Variants in EPHX1 observed in about 807,000 individuals in gnomAD.
EPHX1 encodes the protein epoxide hydrolase 1.
A neutral mutation model predicts 43.2 loss-of-function variants in EPHX1; 40 were observed. The ratio of observed to expected loss-of-function variants is 0.93; its 90% CI spans 0.72 to 1.21. The LOEUF (loss-of-function observed/expected upper bound fraction) is 1.21, where lower values mean the gene tolerates loss of function less well. Among genes scored for constraint, EPHX1 ranks in the 50% most tolerant of loss-of-function variants. The pLI, the probability that EPHX1 is intolerant of heterozygous loss-of-function variation, is 0.00. For missense variants in EPHX1, 550 were observed against 570.4 expected (o/e 0.96, Z 0.36); for synonymous variants, 221 against 226.7 (o/e 0.98, Z 0.22).
chr1:225,843,454 C>CA (rs912296375), intron 7 of EPHX1, among the ~76,000 whole-genome samples: 11 of 152,230 alleles, frequency 7.2e-5, no homozygotes, highest in African/African-American at 2.7e-4. Flanking sequence ...CCAAGAGCCT[C>CA]AGCAGGGCCT....
Position 225,840,050 on chromosome 1 carries a change from A to G in EPHX1, c.931+13A>G. Reference sequence around the variant, plus strand: ...CCTGACACCGTAGGTGAGTGTGCTCAGGGGTCCTCGCCCACTGCCGGCTCC... The same window carrying G: ...CCTGACACCGTAGGTGAGTGTGCTCGGGGGTCCTCGCCCACTGCCGGCTCC... On this transcript the variant is annotated intron_variant, in intron 6 of 8. Transcript: ENST00000272167. 6.2e-7 allele frequency: 1 copy of G among 1,613,412 alleles called. No individual in the cohort carries two copies. The highest frequency in any genetic ancestry group is 1.1e-5 in the South Asian group (1 of 91,040).
chr1:225,819,817 A>C (rs1198992983), intron 1 of EPHX1, among the ~76,000 whole-genome samples: 1 of 152,164 alleles, frequency 6.6e-6, no homozygotes, highest in Non-Finnish European at 1.5e-5. Flanking sequence ...CTTTGTCCGC[A>C]CTTAATCACT....
intron 1 of EPHX1, among the ~76,000 whole-genome samples, chr1:225,819,351 G>A (rs953927680): frequency 9.2e-5 from 14 of 151,850 alleles, no homozygotes; most frequent in African/African-American, 3.4e-4. Context: ...GCAGTGAGCC[G>A]AGATCGTGCC....
rs1559024809 is a variant in EPHX1 at position 225,839,362 on chromosome 1, G to GGAT, written c.722+17_722+18insATG. 181 of 1,584,984 alleles carry GGAT rather than the reference G, an allele frequency of 1.1e-4. 1 individual carries two copies. The African/African-American group carries it at 2.0e-3, about 18-fold the overall frequency. ...TGGTGCCCAGGTGAGGTCACTGTTG[G>GGAT]GGTGGTGTGTGTGTGTGTGTGTGTG... On this transcript the variant is annotated intron_variant, in intron 5 of 8. Coordinates refer to ENST00000272167, the MANE Select transcript of EPHX1 (RefSeq NM_001136018.4).
Position 225,845,211 on chromosome 1 carries a change from A to T in EPHX1, c.1232A>T (p.Lys411Met). The change falls in exon 9 of 9, where the codon AAG (lysine) becomes ATG (methionine). Residue 411 changes from lysine to methionine, a missense_variant. Coordinates refer to ENST00000272167, the MANE Select transcript of EPHX1 (RefSeq NM_001136018.4). ...FPFELLHTPE[K>M]WVRFKYPKLI... ...TTTGAGCTATTGCACACGCCTGAAA[A>T]GTGGGTGAGGTTCAAGTACCCAAAG... 2 of 1,614,104 alleles carry T rather than the reference A, an allele frequency of 1.2e-6. No homozygotes were observed. The highest frequency in any genetic ancestry group is 1.7e-6 in the Non-Finnish European group (2 of 1,180,020).
At position 225,838,970 on chromosome 1, in the gene EPHX1, A is replaced by G. The variant is rs1668139844; in HGVS notation, c.592+89A>G. On this transcript the variant is annotated intron_variant, in intron 4 of 8. Coordinates refer to ENST00000272167, the MANE Select transcript of EPHX1 (RefSeq NM_001136018.4). The stretch of plus-strand genomic sequence containing the variant: ...ACCAGGCTCTCCTTCCGGCGGGGTG[A>G]GCAGGGAGTTGGCCCGAGGAAGCTG... 2.3e-5 allele frequency: 34 copies of G among 1,497,080 alleles called. 2 individuals carry two copies. The South Asian group carries it at 3.8e-4, about 17-fold the overall frequency. 92.7% of individuals were successfully genotyped at this position (1,497,080 alleles called of 1,614,324 possible). A position where few individuals can be genotyped will look rare whatever the true frequency, so the allele number is the denominator to read the frequency against.
At chr1:225,833,281 T>TA in intron 3 of EPHX1, among the ~76,000 whole-genome samples, 1 of 152,352 alleles carries the variant, frequency 6.6e-6, no homozygotes, top group East Asian at 1.9e-4. Flanking sequence ...AGGAATTACT[T>TA]AAAGTGTATG....
chr1:225,831,816 CA>C lies in EPHX1; in HGVS notation c.222del (p.Pro75LeufsTer16). The part of the protein sequence containing the change: ...HQRIDKFRFT[P>X]PLEDSCFHYG... ...AGGATCGATAAGTTCCGTTTCACCC[CA>C]CCTTTGGAGGACAGCTGCTTCCACT... is the stretch of plus-strand genomic sequence containing the variant. On this transcript the variant is annotated frameshift_variant, in exon 3 of 9. Transcript: ENST00000272167. LOFTEE classifies it high-confidence loss of function. The C allele has an allele frequency of 6.2e-7, 1 of 1,614,184 alleles. No homozygotes were observed. Among genetic ancestry groups the C allele is most frequent in the Non-Finnish European group, 8.5e-7 (1 of 1,180,038 alleles).
At chr1:225,833,299 T>C (rs938505646) in intron 3 of EPHX1, among the ~76,000 whole-genome samples, 7 of 152,348 alleles carry the variant, frequency 4.6e-5, no homozygotes, top group Admixed American at 1.3e-4. Flanking sequence ...ATGAAAGACA[T>C]GTTGGTCAGT....
At chr1:225,834,619 A>G (rs376302421) in intron 3 of EPHX1, among the ~76,000 whole-genome samples, 116 of 149,284 alleles carry the variant, frequency 7.8e-4, no homozygotes, top group African/African-American at 2.7e-3. Flanking sequence ...ATCTGGAATG[A>G]TTTTTTGGAT....
intron 4 of EPHX1, 36 bp downstream of exon 4, chr1:225,838,917 C>T: frequency 6.2e-7 from 1 of 1,600,252 alleles, no homozygotes. Context: ...ACTGCCCCGT[C>T]CTCGCCAAGG....
chr1:225,838,829 C>A lies in EPHX1; in HGVS notation c.540C>A (p.Val180=), dbSNP rs755831510. The A allele has an allele frequency of 1.9e-5, 30 of 1,614,100 alleles. No homozygotes were observed. The highest frequency in any genetic ancestry group is 2.5e-5 in the Non-Finnish European group (30 of 1,180,044). ...HGLSDEHVFE[V]ICPSIPGYGF... is the part of the protein sequence containing the mutation. ...TGAGCGATGAGCACGTTTTTGAAGT[C>A]ATCTGCCCTTCCATCCCTGGCTATG... Residue 180 remains valine (V), a synonymous_variant, in exon 4 of 9, where the codon GTC becomes GTA. Coordinates refer to ENST00000272167, the MANE Select transcript of EPHX1 (RefSeq NM_001136018.4).
chr1:225,823,966 G>T (rs1667105490), intron 1 of EPHX1, among the ~76,000 whole-genome samples: 1 of 152,168 alleles, frequency 6.6e-6, no homozygotes, highest in South Asian at 2.1e-4. Flanking sequence ...CCCTGGCGAG[G>T]GAGCCCAGAG....
intron 7 of EPHX1, among the ~76,000 whole-genome samples, chr1:225,843,507 CAG>C (rs1056973812): frequency 7.9e-5 from 12 of 152,176 alleles, no homozygotes; most frequent in Admixed American, 2.0e-4. Flanking sequence ...CAGCAGGACA[CAG>C]GGGTTGATGG....
In EPHX1 at chr1:225,835,615, G is replaced by A. The variant is rs543173699; in HGVS notation, c.365-3039G>A. On this transcript the variant is annotated intron_variant, in intron 3 of 8. Transcript: ENST00000272167. The stretch of plus-strand genomic sequence containing the variant: ...CGTGTTAGCCAGGATGATCTTGATC[G>A]CCTGACCTCGTGATCCACCTGCCTC... 8.6e-5 allele frequency among the ~76,000 whole-genome samples: 13 copies of A among 151,324 alleles called. No homozygotes were observed. The South Asian group carries it at 1.0e-3, about 12-fold the overall frequency.
At chr1:225,815,085 C>A (rs1666658103) in intron 1 of EPHX1, among the ~76,000 whole-genome samples, 1 of 152,152 alleles carries the variant, frequency 6.6e-6, no homozygotes, top group African/African-American at 2.4e-5. Context: ...AGCAGTGGGC[C>A]CAGCAAATGT....
intron 6 of EPHX1, chr1:225,841,287 ATTTAT>A (rs1281579684): frequency 6.6e-6 from 1 of 152,022 alleles, no homozygotes; most frequent in Non-Finnish European, 1.5e-5. Context: ...AGCTTTATTT[ATTTAT>A]TTTTTCTCAA....
intron 1 of EPHX1, among the ~76,000 whole-genome samples, chr1:225,822,368 C>A (rs1575989709): frequency 6.6e-6 from 1 of 152,344 alleles, no homozygotes; most frequent in Admixed American, 6.5e-5. Context: ...CTCCAACCCC[C>A]TCCTGCACAA....
Position 225,826,990 on chromosome 1 carries a change from G to A in EPHX1, c.-5-1735G>A, listed in dbSNP as rs564390548. ...TCCTGATTAGATTTCCTACAGAACT[G>A]CAGGAATAAGGCGAGAGCCATCGCC... is the stretch of plus-strand genomic sequence containing the variant. On this transcript the variant is annotated intron_variant, in intron 1 of 8. Transcript: ENST00000272167. Among the ~76,000 whole-genome samples, 17 of 152,294 alleles carry A rather than the reference G, an allele frequency of 1.1e-4. No individual in the cohort carries two copies. The South Asian group carries it at 3.1e-3, about 28-fold the overall frequency.
Sources: gnomAD v4.1 joint callset for allele counts (sites outside exome capture counted in the v4.1 genomes callset) on GRCh38, gnomAD v4.1.1 for gene constraint, MANE v1.5 for transcripts, NCBI Gene and HGNC (gene_info 2026-07-23, HGNC 2026-07-21) for gene names.